The following KMT2A variants were observed in gnomAD, a reference collection of about 807,000 sequenced individuals.
The protein encoded by KMT2A is histone-lysine N-methyltransferase 2A.
KMT2A carries 16 observed loss-of-function variants against 345.3 expected under a neutral mutation model. The observed-to-expected ratio is 0.05, with a 90% CI of 0.03 to 0.07. The LOEUF (loss-of-function observed/expected upper bound fraction) is 0.07, where lower values mean the gene tolerates loss of function less well. KMT2A is among the 10% of genes least tolerant of loss of function. The pLI, the probability that KMT2A is intolerant of heterozygous loss-of-function variation, is 1.00. For synonymous variants in KMT2A, 1,599 were observed against 1,778.6 expected (o/e 0.90, Z 2.54); for missense variants, 3,272 against 4,841.6 (o/e 0.68, Z 9.62).
chr11:118,485,175 C>A (rs1414190450), intron 10 of KMT2A, among the ~76,000 whole-genome samples, 200 bp downstream of exon 10: 1 of 152,046 alleles, frequency 6.6e-6, no homozygotes, highest in Non-Finnish European at 1.5e-5. Flanking sequence ...GTGAAAAGAT[C>A]AATAATCCCA....
chr11:118,505,549 T>C lies in KMT2A; in HGVS notation c.9657T>C (p.Ser3219=), dbSNP rs1555047867. 1.2e-6 allele frequency: 2 copies of C among 1,614,144 alleles called. No homozygotes were observed. Among genetic ancestry groups the C allele is most frequent in the East Asian group, 2.2e-5 (1 of 44,886 alleles). ...GTACCACAGTAGCCACTCCATCCTC[T>C]GGACTCAAGAAAAGACCCATATCTC... ...DLSTTVATPS[S]GLKKRPISRL... The change falls in exon 27 of 36, where the codon TCT becomes TCC. Residue 3219 remains serine (S), a synonymous_variant. Transcript: ENST00000534358. The surrounding 1 kb of genome is among the most constrained non-coding windows in gnomAD (Gnocchi z 4.6).
chr11:118,520,419 G>A lies in KMT2A; in HGVS notation c.11429+355G>A, dbSNP rs1414650198. 1.2e-5 allele frequency: 4 copies of A among 330,012 alleles called. No individual in the cohort carries two copies. Among genetic ancestry groups the A allele is most frequent in the East Asian group, 6.1e-5 (1 of 16,358 alleles). The allele number at this position is 330,012 out of a possible 1,614,324, so 20.4% of individuals were successfully genotyped here. On this transcript the variant is annotated intron_variant, in intron 33 of 35. Coordinates refer to ENST00000534358, the MANE Select transcript of KMT2A (RefSeq NM_001197104.2). This position sits in a 1 kb window ranked among gnomAD's most constrained non-coding sequence, Gnocchi z 4.3. ...TGTAATTCCAGCACTTTGGAAGTCC[G>A]AGGCGGACAGATCATGAGGTCAGGA...
chr11:118,476,152 G>C lies in KMT2A; in HGVS notation c.3157-653G>C, dbSNP rs572442254. Among the ~76,000 whole-genome samples, 103 of 152,228 alleles carry C rather than the reference G, an allele frequency of 6.8e-4. 1 individual carries two copies. The highest frequency in any genetic ancestry group is 2.4e-3 in the African/African-American group (98 of 41,536). ...ACTCCCGACCTCAGGTGATCTACCC[G>C]CCTCGGCCTCCCAAAGTGCTGGGAG... On this transcript the variant is annotated intron_variant, in intron 3 of 35. Transcript: ENST00000534358. The surrounding 1 kb of genome is among the most constrained non-coding windows in gnomAD (Gnocchi z 4.1).
intron 1 of KMT2A, among the ~76,000 whole-genome samples, chr11:118,454,923 C>T (rs528768227): frequency 1.2e-4 from 18 of 151,828 alleles, no homozygotes; most frequent in African/African-American, 3.9e-4. Context: ...TTCCAGTCTT[C>T]GGTAAACTAT....
At chr11:118,519,537 A>G (rs1950909979) in intron 31 of KMT2A, 81 bp from the exon 32 acceptor site, 4 of 1,294,860 alleles carry the variant, frequency 3.1e-6, no homozygotes, top group Non-Finnish European at 4.4e-6. Context: ...CAGAGTGACT[A>G]TAGCATAGGC....
At position 118,488,736 on chromosome 11, in the gene KMT2A, T is replaced by C; in HGVS notation, c.4455T>C (p.Cys1485=). The C allele has an allele frequency of 6.2e-7, 1 of 1,614,152 alleles. No individual in the cohort carries two copies. The highest frequency in any genetic ancestry group is 1.1e-5 in the South Asian group (1 of 91,084). Residue 1485 remains cysteine, a synonymous_variant, in exon 11 of 36, where the codon TGT becomes TGC. Transcript: ENST00000534358. Reference sequence around the variant, plus strand: ...GTCGTTGCAAATTCTGTCACGTTTGTGGAAGGCAACATCAGGCTACAAAGG... The same window carrying C: ...GTCGTTGCAAATTCTGTCACGTTTGCGGAAGGCAACATCAGGCTACAAAGG... ...CCRRCKFCHV[C]GRQHQATKQL...
Position 118,494,313 on chromosome 11 carries a change from A to G in KMT2A, c.5204A>G (p.Lys1735Arg), listed in dbSNP as rs1555043341. The G allele has an allele frequency of 6.2e-7, 1 of 1,601,806 alleles. No homozygotes were observed. Among genetic ancestry groups the G allele is most frequent in the Non-Finnish European group, 8.6e-7 (1 of 1,168,794 alleles). ...SVLEFSDDIV[K>R]IIQAAINSDG... Reference sequence around the variant, plus strand: ...TTGGAGTTCAGTGATGATATTGTGAAGATCATTCAAGCAGCCATTAATTCA... The same window carrying G: ...TTGGAGTTCAGTGATGATATTGTGAGGATCATTCAAGCAGCCATTAATTCA... Residue 1735 changes from lysine to arginine, a missense_variant, in exon 17 of 36, where the codon AAG becomes AGG. Lys to Arg is a conservative substitution (Grantham distance 26, BLOSUM62 2). Around this residue, in one of 27 missense-constraint regions of KMT2A, gnomAD observed 235 missense variants for 503.4 expected, o/e 0.47. Transcript: ENST00000534358. The surrounding 1 kb of genome is among the most constrained non-coding windows in gnomAD (Gnocchi z 5.8).
At chr11:118,481,586 T>C in intron 6 of KMT2A, 129 bp from the exon 7 acceptor site, 2 of 965,470 alleles carry the variant, frequency 2.1e-6, no homozygotes, top group Non-Finnish European at 3.0e-6. Flanking sequence ...CTCTTTGATA[T>C]ACTGATTTCC....
chr11:118,449,478 C>T (rs1358308890), intron 1 of KMT2A: 1 of 148,224 alleles, frequency 6.7e-6, no homozygotes, highest in African/African-American at 2.5e-5. Flanking sequence ...CCCAGCTACT[C>T]AGGAAGCTGT....
intron 11 of KMT2A, among the ~76,000 whole-genome samples, chr11:118,488,990 G>T (rs1359448748): frequency 6.6e-6 from 1 of 152,026 alleles, no homozygotes; most frequent in East Asian, 1.9e-4. Context: ...AAAGTATATG[G>T]TGGGCGGATC....
rs1555053789 is a variant in KMT2A, at chr11:118,522,178, C to T, written c.*6C>T. 2 of 1,613,172 alleles carry T rather than the reference C, an allele frequency of 1.2e-6. No homozygotes were observed. Among genetic ancestry groups the T allele is most frequent in the South Asian group, 1.1e-5 (1 of 91,046 alleles). ...GCCGGAAGTTCCTAAACTAAAGCTG[C>T]TCTTCTCCCCCAGTGTTGGAGTGCA... On this transcript the variant is annotated 3_prime_UTR_variant, in exon 36 of 36. Coordinates refer to ENST00000534358, the MANE Select transcript of KMT2A (RefSeq NM_001197104.2). The surrounding 1 kb of genome is among the most constrained non-coding windows in gnomAD (Gnocchi z 5.4).
rs185585437 is a variant in KMT2A, at chr11:118,517,869, A to C, written c.11147-1749A>C. On this transcript the variant is annotated intron_variant, in intron 31 of 35. Coordinates refer to ENST00000534358, the MANE Select transcript of KMT2A (RefSeq NM_001197104.2). ...AAAAGAATATTGCTTATCTAGAGAC[A>C]ACATTCTTTTTGTTTGTTTGTTTGT... Among the ~76,000 whole-genome samples the C allele has an allele frequency of 1.1e-4, 16 of 152,276 alleles. No homozygotes were observed. The East Asian group carries it at 2.7e-3, about 26-fold the overall frequency.
At chr11:118,487,354 T>G (rs1284921628) in intron 10 of KMT2A, among the ~76,000 whole-genome samples, 6 of 152,192 alleles carry the variant, frequency 3.9e-5, no homozygotes, top group African/African-American at 1.4e-4. Flanking sequence ...AAATATAAAT[T>G]AGAGAATAGC....
In KMT2A at chr11:118,503,843, T is replaced by C. The variant is rs1950540160; in HGVS notation, c.7951T>C (p.Tyr2651His). 6.2e-7 allele frequency: 1 copy of C among 1,614,130 alleles called. No homozygotes were observed. ...RSYGEEDIPF[Y>H]SSSTGKKRGK... is the part of the protein sequence containing the mutation. ...CTATGGTGAAGAAGACATTCCATTCTACAGCAGCTCAACTGGGAAGAAGCG... is the reference window on the plus strand; with the variant it reads ...CTATGGTGAAGAAGACATTCCATTCCACAGCAGCTCAACTGGGAAGAAGCG... The change falls in exon 27 of 36, where the codon TAC becomes CAC. Residue 2651 changes from tyrosine to histidine, a missense_variant. This residue lies in a region of KMT2A where 21 missense variants were observed against 74.6 expected (regional missense o/e 0.28). Coordinates refer to ENST00000534358, the MANE Select transcript of KMT2A (RefSeq NM_001197104.2). This position sits in a 1 kb window ranked among gnomAD's most constrained non-coding sequence, Gnocchi z 5.3.
intron 1 of KMT2A, among the ~76,000 whole-genome samples, chr11:118,457,604 T>G (rs1477100600): frequency 2.0e-5 from 3 of 151,712 alleles, no homozygotes; most frequent in African/African-American, 7.3e-5. Context: ...TTTGCCCCTT[T>G]CCCACATCAG....
chr11:118,438,015 G>A (rs1021190638), intron 1 of KMT2A, among the ~76,000 whole-genome samples: 1 of 152,102 alleles, frequency 6.6e-6, no homozygotes, highest in Non-Finnish European at 1.5e-5. Flanking sequence ...GCTCCCTCCC[G>A]CCCTTCTCTT....
intron 1 of KMT2A, among the ~76,000 whole-genome samples, chr11:118,462,680 T>C (rs558886656): frequency 6.6e-6 from 1 of 152,270 alleles, no homozygotes; most frequent in South Asian, 2.1e-4. Context: ...TGCCTCAGCC[T>C]CCTGAGTAGC....
chr11:118,485,336 T>C (rs1474176164), intron 10 of KMT2A, among the ~76,000 whole-genome samples: 1 of 151,958 alleles, frequency 6.6e-6, no homozygotes, highest in Non-Finnish European at 1.5e-5. Flanking sequence ...AAGGAGCTCT[T>C]ACCAATTAAT....
At chr11:118,511,566 G>A (rs1228090790) in intron 30 of KMT2A, among the ~76,000 whole-genome samples, 2 of 152,208 alleles carry the variant, frequency 1.3e-5, no homozygotes, top group African/African-American at 4.8e-5. Context: ...TCTTCCCACA[G>A]TCCTGCTTAA....
Sources: gnomAD v4.1 joint callset for allele counts (sites outside exome capture counted in the v4.1 genomes callset) on GRCh38, gnomAD v4.1.1 for gene constraint, gnomAD v4.1.1 regional missense constraint, Gnocchi (gnomAD v3.1) non-coding constraint, MANE v1.5 for transcripts, NCBI Gene and HGNC (gene_info 2026-07-23, HGNC 2026-07-21) for gene names.